SCHIP1: variants seen among roughly 807,000 people sequenced by gnomAD.
The protein encoded by SCHIP1 is schwannomin-interacting protein 1.
A neutral mutation model predicts 29.7 loss-of-function variants in SCHIP1; 8 were observed. That is an observed-to-expected ratio of 0.27 (90% CI 0.16 to 0.49). The LOEUF is 0.49. Among genes scored for constraint, SCHIP1 ranks in the 20% least tolerant of loss-of-function variants. The pLI is 0.99. For synonymous variants in SCHIP1, 76 were observed against 94.9 expected, an observed-to-expected ratio of 0.80 and a Z score of 1.16; for missense variants, 193 against 294.6, an observed-to-expected ratio of 0.66 and a Z score of 2.52.
chr3:159,713,233 G>GAAGAAAGAAAGAAAGAAAGAAAGA, the SCHIP1 span, among the ~76,000 whole-genome samples: 2 of 124,538 alleles, frequency 1.6e-5, no homozygotes, highest in Non-Finnish European at 3.3e-5. Context: ...AGAAAGAAAG[G>GAAGAAAGAAAGAAAGAAAGAAAGA]AAGAAAGAAA....
At chr3:159,794,945 C>T in the SCHIP1 span, among the ~76,000 whole-genome samples, 1 of 152,090 alleles carries the variant, frequency 6.6e-6, no homozygotes, top group Non-Finnish European at 1.5e-5. Flanking sequence ...GCATCTGGGA[C>T]CCACTCCTAG....
the SCHIP1 span, among the ~76,000 whole-genome samples, chr3:159,668,868 A>C: frequency 1.3e-5 from 2 of 152,132 alleles, no homozygotes; most frequent in Non-Finnish European, 2.9e-5. Flanking sequence ...ACAAGCAAAT[A>C]AGTGCTCTGG....
the SCHIP1 span, among the ~76,000 whole-genome samples, chr3:159,669,264 G>A: frequency 6.6e-6 from 1 of 152,214 alleles, no homozygotes; most frequent in Admixed American, 6.5e-5. Context: ...AGGAAAAGGA[G>A]GAGTTGTTGT....
chr3:159,869,469 T>A (rs13058787), intron 2 of SCHIP1, among the ~76,000 whole-genome samples: 51,500 of 151,716 alleles, frequency 0.34, 9,003 homozygotes, highest in Middle Eastern at 0.43. Flanking sequence ...ACCATTTTTT[T>A]ATCATATTTA....
the SCHIP1 span, among the ~76,000 whole-genome samples, chr3:159,679,840 G>C: frequency 6.6e-6 from 1 of 151,992 alleles, no homozygotes; most frequent in African/African-American, 2.4e-5. Flanking sequence ...TGGCCTCTGT[G>C]TTCTCTCTCT....
exon 1 of SCHIP1, chr3:159,840,080 C>A: frequency 6.6e-7 from 1 of 1,522,728 alleles, no homozygotes; most frequent in Non-Finnish European, 8.8e-7. Flanking sequence ...GAGCCCCTGC[C>A]TTACCAGGGC....
chr3:159,643,940 G>A, the SCHIP1 span, among the ~76,000 whole-genome samples: 2 of 152,026 alleles, frequency 1.3e-5, no homozygotes, highest in African/African-American at 2.4e-5. Flanking sequence ...ACCACTCATC[G>A]TCAACCCTAT....
the SCHIP1 span, among the ~76,000 whole-genome samples, chr3:159,368,905 A>G: frequency 6.6e-6 from 1 of 152,240 alleles, no homozygotes; most frequent in African/African-American, 2.4e-5. Context: ...AAATTAATAC[A>G]TCAACAAATG....
At chr3:159,304,109 G>T in the SCHIP1 span, among the ~76,000 whole-genome samples, 49,820 of 150,350 alleles carry the variant, frequency 0.33, 8,892 homozygotes, top group East Asian at 0.42. Context: ...GAGAATATAC[G>T]GTGTTTGGTT....
At chr3:159,449,321 G>C in the SCHIP1 span, among the ~76,000 whole-genome samples, 2 of 151,970 alleles carry the variant, frequency 1.3e-5, no homozygotes. Flanking sequence ...AATCAAGAAG[G>C]AGACATGGCA....
At chr3:159,461,523 T>C in the SCHIP1 span, among the ~76,000 whole-genome samples, 1 of 151,978 alleles carries the variant, frequency 6.6e-6, no homozygotes, top group African/African-American at 2.4e-5. Context: ...TTCAGATATA[T>C]ATAAACACAA....
At chr3:159,549,098 C>A in the SCHIP1 span, among the ~76,000 whole-genome samples, 25 of 152,230 alleles carry the variant, frequency 1.6e-4, no homozygotes, top group African/African-American at 5.8e-4. Context: ...AGTGGCAGAT[C>A]AAAGCTTAGT....
chr3:159,340,087 A>G, the SCHIP1 span, among the ~76,000 whole-genome samples: 1 of 152,158 alleles, frequency 6.6e-6, no homozygotes, highest in Non-Finnish European at 1.5e-5. Flanking sequence ...TTGCTAGATC[A>G]TTAAATATAC....
the SCHIP1 span, among the ~76,000 whole-genome samples, chr3:159,652,526 G>A: frequency 6.6e-6 from 1 of 152,148 alleles, no homozygotes. Context: ...CTGGCCCAGT[G>A]GAGCTCATGT....
chr3:159,568,817 C>T, the SCHIP1 span, among the ~76,000 whole-genome samples: 2 of 152,130 alleles, frequency 1.3e-5, no homozygotes, highest in African/African-American at 4.8e-5. Context: ...CTGACAGTAT[C>T]GTATTCAGAT....
At chr3:159,366,246 G>A in the SCHIP1 span, among the ~76,000 whole-genome samples, 1 of 152,082 alleles carries the variant, frequency 6.6e-6, no homozygotes, top group Non-Finnish European at 1.5e-5. Flanking sequence ...CTCAGAGCGA[G>A]AGCTCACTTA....
the SCHIP1 span, among the ~76,000 whole-genome samples, chr3:159,578,346 A>G: frequency 1.3e-5 from 2 of 152,214 alleles, no homozygotes; most frequent in African/African-American, 2.4e-5. Flanking sequence ...AAAATAAGCC[A>G]TCTTTTAATC....
intron 1 of SCHIP1, among the ~76,000 whole-genome samples, chr3:159,857,335 C>G (rs1286783318): frequency 2.0e-5 from 3 of 152,140 alleles, no homozygotes; most frequent in Non-Finnish European, 4.4e-5. Context: ...ATGTCATGGT[C>G]ATCTTCTACA....
chr3:159,565,037 A>C, the SCHIP1 span, among the ~76,000 whole-genome samples: 1 of 152,166 alleles, frequency 6.6e-6, no homozygotes, highest in Non-Finnish European at 1.5e-5. Context: ...CATTTCAAAT[A>C]GTTTTACAAA....
Sources: allele counts gnomAD v4.1 joint callset (sites outside exome capture counted in the v4.1 genomes callset), GRCh38; gene constraint gnomAD v4.1.1; transcripts MANE v1.5; gene names NCBI Gene and HGNC (gene_info 2026-07-23, HGNC 2026-07-21).